WRN: variants seen among roughly 807,000 people sequenced by gnomAD.
WRN encodes the protein bifunctional 3'-5' exonuclease/ATP-dependent helicase WRN.
WRN carries 149 observed loss-of-function variants against 180.7 expected under a neutral mutation model. The observed-to-expected ratio is 0.82, with a 90% CI of 0.72 to 0.94. The LOEUF is 0.94. Among genes scored for constraint, WRN ranks in the 40% least tolerant of loss-of-function variants. The pLI is 0.00. For synonymous variants in WRN, 548 were observed against 568.9 expected, an observed-to-expected ratio of 0.96 and a Z score of 0.52; for missense variants, 1,661 against 1,700.1, an observed-to-expected ratio of 0.98 and a Z score of 0.40.
Position 31,150,324 on chromosome 8 carries a change from G to A in WRN, c.3573-17G>A, listed in dbSNP as rs200676012. 7.5e-6 allele frequency: 12 copies of A among 1,593,906 alleles called. No homozygotes were observed. Among genetic ancestry groups the A allele is most frequent in the African/African-American group, 1.3e-5 (1 of 74,594 alleles). On this transcript the variant is annotated splice_polypyrimidine_tract_variant and intron_variant, in intron 30 of 34. Coordinates refer to ENST00000298139, the MANE Select transcript of WRN (RefSeq NM_000553.6). Reference sequence around the variant, plus strand: ...TCTTGACCTTTTTGTTGTTGTTGTTGTTGTTGTTAAACACAGACCAACTAC... The same window carrying A: ...TCTTGACCTTTTTGTTGTTGTTGTTATTGTTGTTAAACACAGACCAACTAC...
chr8:31,104,923 AG>A (rs1801035735), intron 18 of WRN, among the ~76,000 whole-genome samples: 1 of 152,226 alleles, frequency 6.6e-6, no homozygotes, highest in Non-Finnish European at 1.5e-5. Context: ...TTCTGAGCCC[AG>A]GATTTCACAA....
chr8:31,127,283 A>G (rs1801963054), intron 23 of WRN, among the ~76,000 whole-genome samples: 1 of 152,188 alleles, frequency 6.6e-6, no homozygotes, highest in Non-Finnish European at 1.5e-5. Context: ...ATGATTCCAA[A>G]GGATAGTACA....
chr8:31,131,977 T>G (rs1802196025), intron 23 of WRN, among the ~76,000 whole-genome samples: 1 of 100,004 alleles, frequency 1.0e-5, no homozygotes. Context: ...TTTTTTTTTT[T>G]GCAACACACC....
chr8:31,125,998 A>ATATC (rs1267704813), intron 23 of WRN, among the ~76,000 whole-genome samples: 38 of 145,444 alleles, frequency 2.6e-4, no homozygotes, highest in African/African-American at 8.4e-4. Flanking sequence ...ATATATATAT[A>ATATC]TCTACTTAAC....
intron 1 of WRN, among the ~76,000 whole-genome samples, chr8:31,050,604 A>G (rs192371674): frequency 1.3e-4 from 19 of 149,512 alleles, no homozygotes; most frequent in Admixed American, 2.0e-4. Context: ...CTGCTTCTTC[A>G]TAGTATAATT....
At chr8:31,088,833 C>T in intron 12 of WRN, 57 bp from the exon 13 acceptor site, 1 of 1,398,548 alleles carries the variant, frequency 7.2e-7, no homozygotes, top group Middle Eastern at 2.1e-4. Context: ...ACTGTTTTCT[C>T]CCTCTATGTG....
chr8:31,080,747 C>T (rs1234149315), intron 8 of WRN, 120 bp from the exon 9 acceptor site: 2 of 811,826 alleles, frequency 2.5e-6, no homozygotes, highest in Non-Finnish European at 3.8e-6. Flanking sequence ...AGCCTTAATA[C>T]TATTGATCTT....
chr8:31,050,977 A>G (rs1477862972), intron 1 of WRN, among the ~76,000 whole-genome samples: 1 of 152,192 alleles, frequency 6.6e-6, no homozygotes, highest in Non-Finnish European at 1.5e-5. Context: ...TCCACATTAA[A>G]CAGTATAACG....
chr8:31,153,892 A>G (rs1426033164), intron 31 of WRN, among the ~76,000 whole-genome samples: 2 of 152,168 alleles, frequency 1.3e-5, no homozygotes, highest in African/African-American at 4.8e-5. Flanking sequence ...TAAAAATGAT[A>G]CCAATATCAT....
At chr8:31,100,791 G>C in intron 17 of WRN, 58 bp from the exon 18 acceptor site, 1 of 1,439,592 alleles carries the variant, frequency 6.9e-7, no homozygotes, top group Non-Finnish European at 9.7e-7. Context: ...ATGTAGATGA[G>C]TTTATTTTTT....
At chr8:31,102,019 C>A (rs1041725663) in intron 18 of WRN, among the ~76,000 whole-genome samples, 1 of 151,686 alleles carries the variant, frequency 6.6e-6, no homozygotes, top group Non-Finnish European at 1.5e-5. Flanking sequence ...AGTACAATAT[C>A]AAAACTAGGA....
At chr8:31,129,461 C>G (rs1174125744) in intron 23 of WRN, among the ~76,000 whole-genome samples, 1 of 152,148 alleles carries the variant, frequency 6.6e-6, no homozygotes, top group Non-Finnish European at 1.5e-5. Context: ...ACTAGCTTGT[C>G]TCAAAATTCT....
At chr8:31,134,286 T>C (rs1278642061) in intron 24 of WRN, among the ~76,000 whole-genome samples, 4 of 152,220 alleles carry the variant, frequency 2.6e-5, no homozygotes, top group African/African-American at 9.6e-5. Flanking sequence ...GATTTTGAGC[T>C]GTAAAATAAA....
At position 31,091,003 on chromosome 8, in the gene WRN, C is replaced by G. The variant is rs951109029; in HGVS notation, c.1829+61C>G. The G allele has an allele frequency of 5.7e-6, 7 of 1,230,884 alleles. No individual in the cohort carries two copies. The African/African-American group carries it at 1.0e-4, about 18-fold the overall frequency. 76.2% of individuals were successfully genotyped at this position (1,230,884 alleles called of 1,614,324 possible). A position where few individuals can be genotyped will look rare whatever the true frequency, so the allele number is the denominator to read the frequency against. On this transcript the variant is annotated intron_variant, in intron 15 of 34. Coordinates refer to ENST00000298139, the MANE Select transcript of WRN (RefSeq NM_000553.6). Reference sequence around the variant, plus strand: ...TTTTTTTCTTCTGTGGGTGAAACATCTGATCCATCATGCATGTTAAAATCT... The same window carrying G: ...TTTTTTTCTTCTGTGGGTGAAACATGTGATCCATCATGCATGTTAAAATCT...
intron 22 of WRN, 120 bp from the exon 23 acceptor site, chr8:31,124,788 G>A (rs540983706): frequency 8.2e-7 from 1 of 1,219,034 alleles, no homozygotes; most frequent in South Asian, 1.3e-5. Context: ...GTAAACTGAA[G>A]TCAAATAATG....
At chr8:31,170,162 C>A (rs1292863380) in intron 34 of WRN, among the ~76,000 whole-genome samples, 1 of 152,032 alleles carries the variant, frequency 6.6e-6, no homozygotes, top group African/African-American at 2.4e-5. Context: ...CCAAGGATAC[C>A]TTTAAACTTG....
intron 18 of WRN, among the ~76,000 whole-genome samples, chr8:31,102,663 G>A (rs1035906338): frequency 1.3e-5 from 2 of 152,212 alleles, no homozygotes; most frequent in Non-Finnish European, 2.9e-5. Flanking sequence ...TGTATAGGGT[G>A]CTTCCTGTGA....
At position 31,035,363 on chromosome 8, in the gene WRN, G is replaced by T. The variant is rs1467918920; in HGVS notation, c.-77+1390G>T. Among the ~76,000 whole-genome samples the T allele has an allele frequency of 2.0e-5, 3 of 152,130 alleles. No individual in the cohort carries two copies. The East Asian group carries it at 5.8e-4, about 29-fold the overall frequency. On this transcript the variant is annotated intron_variant, in intron 1 of 34. Transcript: ENST00000298139. ...CGTCCTCGCTGAGAAGGGAATTTTT[G>T]AGTCCAGAGCTCAAGGAAGTGAGAG...
At chr8:31,053,772 G>A (rs893527569) in intron 1 of WRN, among the ~76,000 whole-genome samples, 12 of 152,178 alleles carry the variant, frequency 7.9e-5, no homozygotes, top group Admixed American at 6.5e-4. Flanking sequence ...TTTAAGTGAT[G>A]TTTAATTGGT....
Sources: allele counts gnomAD v4.1 joint callset (sites outside exome capture counted in the v4.1 genomes callset), GRCh38; gene constraint gnomAD v4.1.1; transcripts MANE v1.5; gene names NCBI Gene and HGNC (gene_info 2026-07-23, HGNC 2026-07-21).